Variants in GRID2 observed in about 807,000 individuals in gnomAD.
GRID2 encodes the protein glutamate receptor ionotropic, delta-2.
A neutral mutation model predicts 114.8 loss-of-function variants in GRID2; 33 were observed. The ratio of observed to expected loss-of-function variants is 0.29; its 90% CI spans 0.22 to 0.38. The LOEUF (loss-of-function observed/expected upper bound fraction) is 0.38. Among genes scored for constraint, GRID2 ranks in the 10% least tolerant of loss-of-function variants. GRID2 has a pLI of 1.00. For synonymous variants in GRID2, 505 were observed against 449.9 expected (o/e 1.12, Z -1.55); for missense variants, 1,184 against 1,257.7 (o/e 0.94, Z 0.89).
At chr4:93,412,454 C>A (rs189961514) in intron 9 of GRID2, among the ~76,000 whole-genome samples, 1 of 152,180 alleles carries the variant, frequency 6.6e-6, no homozygotes, top group Admixed American at 6.5e-5. Flanking sequence ...CAACTTCTTC[C>A]TAGATAACTT....
chr4:93,521,900 T>C (rs1477465192), intron 13 of GRID2, among the ~76,000 whole-genome samples: 4 of 152,142 alleles, frequency 2.6e-5, no homozygotes, highest in Non-Finnish European at 5.9e-5. Flanking sequence ...TAAAGAAATT[T>C]TGCTGAAAGA....
Position 93,395,688 on chromosome 4 carries a change from C to G in GRID2, c.1327C>G (p.Leu443Val), listed in dbSNP as rs1490020516. 1 of 1,526,970 alleles carries G rather than the reference C, an allele frequency of 6.5e-7. No individual in the cohort carries two copies. Among genetic ancestry groups the G allele is most frequent in the Non-Finnish European group, 9.1e-7 (1 of 1,101,342 alleles). 94.6% of individuals were successfully genotyped at this position (1,526,970 alleles called of 1,614,324 possible). A position where few individuals can be genotyped will look rare whatever the true frequency, so the allele number is the denominator to read the frequency against. ...GGAGAATAACATGCGTGGAGTGGTT[C>G]TACGTGTAGTAACTGTTCTGGTAAG... The part of the protein sequence containing the change: ...KLENNMRGVV[L>V]RVVTVLEEPF... The change falls in exon 9 of 16, where the codon CTA (leucine) becomes GTA (valine). Residue 443 changes from leucine to valine, a missense_variant. Leu to Val is a conservative substitution (Grantham distance 32). Coordinates refer to ENST00000282020, the MANE Select transcript of GRID2 (RefSeq NM_001510.4).
intron 1 of GRID2, among the ~76,000 whole-genome samples, chr4:92,321,341 A>G (rs976302666): frequency 1.4e-4 from 21 of 152,214 alleles, no homozygotes; most frequent in Admixed American, 1.2e-3. Flanking sequence ...AGATGGAAGA[A>G]CGTGAAAGCA....
intron 2 of GRID2, among the ~76,000 whole-genome samples, chr4:92,640,437 A>AATT (rs1164456385): frequency 6.6e-6 from 1 of 151,920 alleles, no homozygotes; most frequent in African/African-American, 2.4e-5. Context: ...TGGTAATGTT[A>AATT]GAATGCATGA....
intron 9 of GRID2, among the ~76,000 whole-genome samples, chr4:93,418,572 T>A (rs1767950032): frequency 6.6e-6 from 1 of 152,050 alleles, no homozygotes; most frequent in Admixed American, 6.6e-5. Context: ...TTCTTGAGGA[T>A]CAATTTCTGT....
intron 14 of GRID2, among the ~76,000 whole-genome samples, chr4:93,731,159 T>C: frequency 6.6e-6 from 1 of 152,128 alleles, no homozygotes; most frequent in East Asian, 1.9e-4. Context: ...TTTGCTAAAT[T>C]CTTGGCATAT....
At chr4:93,584,478 A>C (rs928621055) in intron 13 of GRID2, among the ~76,000 whole-genome samples, 2 of 152,108 alleles carry the variant, frequency 1.3e-5, no homozygotes, top group Non-Finnish European at 2.9e-5. Flanking sequence ...CAATGGTTGA[A>C]AATGTTGTTT....
At chr4:93,614,749 G>A (rs1341151736) in intron 13 of GRID2, among the ~76,000 whole-genome samples, 2 of 152,002 alleles carry the variant, frequency 1.3e-5, no homozygotes, top group Admixed American at 1.3e-4. Flanking sequence ...TGCTGACACC[G>A]TGCTGGATAT....
intron 8 of GRID2, among the ~76,000 whole-genome samples, chr4:93,355,075 G>C (rs1761201671): frequency 6.6e-6 from 1 of 151,580 alleles, no homozygotes; most frequent in Non-Finnish European, 1.5e-5. Flanking sequence ...TGCAAGAGAG[G>C]TATATTTCTT....
chr4:92,990,249 T>TGTGA (rs1424568290), intron 2 of GRID2, among the ~76,000 whole-genome samples: 2 of 114,792 alleles, frequency 1.7e-5, no homozygotes, highest in African/African-American at 6.6e-5. Flanking sequence ...TGTGTGTGTG[T>TGTGA]GATATATGTA....
chr4:92,588,509 T>C (rs143409923), intron 1 of GRID2, among the ~76,000 whole-genome samples: 4,139 of 151,392 alleles, frequency 0.027, 192 homozygotes, highest in African/African-American at 0.095. Context: ...ACCCCGTCCC[T>C]ACTACAAATA....
At chr4:92,663,545 T>G (rs1437073181) in intron 2 of GRID2, among the ~76,000 whole-genome samples, 1 of 151,218 alleles carries the variant, frequency 6.6e-6, no homozygotes, top group Non-Finnish European at 1.5e-5. Flanking sequence ...TGCCTAATAT[T>G]GTGTCATTTT....
At chr4:92,338,672 T>G (rs2110158007) in intron 1 of GRID2, among the ~76,000 whole-genome samples, 1 of 152,240 alleles carries the variant, frequency 6.6e-6, no homozygotes, top group South Asian at 2.1e-4. Flanking sequence ...TCATAAAACT[T>G]ACGTCTATGT....
intron 8 of GRID2, among the ~76,000 whole-genome samples, chr4:93,342,102 C>T (rs115172578): frequency 6.6e-6 from 1 of 152,106 alleles, no homozygotes; most frequent in Admixed American, 6.5e-5. Context: ...TCTTATACTG[C>T]AAATCAAATG....
chr4:93,740,867 ATT>A (rs397962079), intron 14 of GRID2, among the ~76,000 whole-genome samples: 2 of 138,270 alleles, frequency 1.4e-5, no homozygotes, highest in Non-Finnish European at 3.2e-5. Context: ...TGGTTCTACT[ATT>A]TTTTTTTTTT....
At chr4:92,364,682 A>G (rs1025551667) in intron 1 of GRID2, among the ~76,000 whole-genome samples, 5 of 152,020 alleles carry the variant, frequency 3.3e-5, no homozygotes, top group Non-Finnish European at 7.4e-5. Flanking sequence ...AGTAGAGAGT[A>G]GTTTTTTGTG....
intron 13 of GRID2, among the ~76,000 whole-genome samples, chr4:93,592,631 T>G (rs1344808530): frequency 2.0e-5 from 3 of 152,156 alleles, no homozygotes; most frequent in East Asian, 1.9e-4. Flanking sequence ...TCTGTCTCGT[T>G]GATCTGTCTA....
chr4:92,668,272 T>C (rs1262810298), intron 2 of GRID2, among the ~76,000 whole-genome samples: 1 of 151,836 alleles, frequency 6.6e-6, no homozygotes, highest in Non-Finnish European at 1.5e-5. Context: ...TGAATGTCCA[T>C]ACTTTTTAAT....
At chr4:92,426,927 G>T (rs899834612) in intron 1 of GRID2, among the ~76,000 whole-genome samples, 2 of 152,116 alleles carry the variant, frequency 1.3e-5, no homozygotes, top group African/African-American at 2.4e-5. Flanking sequence ...TTTTAAAATG[G>T]AGGAGGGTGA....
Sources: gnomAD v4.1 joint callset for allele counts (sites outside exome capture counted in the v4.1 genomes callset) on GRCh38, gnomAD v4.1.1 for gene constraint, MANE v1.5 for transcripts, NCBI Gene and HGNC (gene_info 2026-07-23, HGNC 2026-07-21) for gene names.